The following NDE1 variants were observed in gnomAD, a reference collection of about 807,000 sequenced individuals.
NDE1 encodes the protein nuclear distribution protein nudE homolog 1.
NDE1 carries 28 observed loss-of-function variants against 43.4 expected under a neutral mutation model. The ratio of observed to expected loss-of-function variants is 0.65; its 90% confidence interval spans 0.48 to 0.89. The LOEUF (loss-of-function observed/expected upper bound fraction) is 0.89, where lower values mean the gene tolerates loss of function less well. Among genes scored for constraint, NDE1 ranks in the 40% least tolerant of loss-of-function variants. NDE1 has a pLI of 0.00. For synonymous variants in NDE1, 184 were observed against 172.0 expected (o/e 1.07, Z -0.55); for missense variants, 441 against 434.1 (o/e 1.02, Z -0.14).
chr16:15,721,787 T>C (rs573063702), intron 8 of NDE1: 5 of 740,286 alleles, frequency 6.8e-6, no homozygotes, highest in Non-Finnish European at 1.1e-5. Flanking sequence ...TATATAATCA[T>C]CTGGCGTTCT....
chr16:15,648,516 C>T (rs1044230522), upstream of NDE1, among the ~76,000 whole-genome samples: 5 of 152,130 alleles, frequency 3.3e-5, no homozygotes, highest in Non-Finnish European at 7.3e-5. Context: ...CTCCACTCAC[C>T]GCAACCTCTG....
At chr16:15,655,519 AC>A (rs1190017580) in intron 1 of NDE1, among the ~76,000 whole-genome samples, 3 of 152,156 alleles carry the variant, frequency 2.0e-5, no homozygotes, top group Non-Finnish European at 4.4e-5. Flanking sequence ...GAACACTTTT[AC>A]ACTGTTGGTG....
intron 4 of NDE1, among the ~76,000 whole-genome samples, chr16:15,679,136 T>A (rs2891091): frequency 6.6e-6 from 1 of 152,240 alleles, no homozygotes; most frequent in South Asian, 2.1e-4. Context: ...GTTTTTTCTT[T>A]TATTTATTTT....
chr16:15,678,855 T>A (rs2151073347), intron 4 of NDE1, among the ~76,000 whole-genome samples: 1 of 152,146 alleles, frequency 6.6e-6, no homozygotes, highest in South Asian at 2.1e-4. Context: ...GGTGGGCGGA[T>A]CACGAGGTCA....
intron 5 of NDE1, among the ~76,000 whole-genome samples, chr16:15,687,774 G>T (rs1268245416): frequency 6.6e-6 from 1 of 152,226 alleles, no homozygotes; most frequent in African/African-American, 2.4e-5. Flanking sequence ...CACAGATGAA[G>T]TCCTTGTATT....
rs541280738 is a variant in NDE1, at chr16:15,724,960, G to C, written c.*709G>C. On this transcript the variant is annotated 3_prime_UTR_variant, in exon 9 of 9. Transcript: ENST00000396354. ...GCTTAATGGCCTTCCCCTCGGCCTC[G>C]TTAAGCATCCCTGTGACGCTCTCAA... 2 of 1,613,966 alleles carry C rather than the reference G, an allele frequency of 1.2e-6. No homozygotes were observed. The highest frequency in any genetic ancestry group is 1.7e-6 in the Non-Finnish European group (2 of 1,180,028).
At chr16:15,679,980 T>C (rs2038090517) in intron 4 of NDE1, among the ~76,000 whole-genome samples, 1 of 152,116 alleles carries the variant, frequency 6.6e-6, no homozygotes, top group Non-Finnish European at 1.5e-5. Flanking sequence ...GATTTCACCA[T>C]GTTGGCCAAT....
At chr16:15,718,456 A>G (rs780970522) in intron 8 of NDE1, 4 of 1,545,582 alleles carry the variant, frequency 2.6e-6, no homozygotes, top group East Asian at 2.4e-5. Flanking sequence ...AAGGGCGGCC[A>G]TGGTGGGGGC....
intron 3 of NDE1, among the ~76,000 whole-genome samples, chr16:15,674,855 C>T (rs140611569): frequency 8.5e-5 from 13 of 152,110 alleles, no homozygotes; most frequent in African/African-American, 2.6e-4. Flanking sequence ...CTACAGGCGA[C>T]GCCACCATGC....
In NDE1 at chr16:15,691,188, A is replaced by AG. The variant is rs1374148615; in HGVS notation, c.570dup (p.Thr191AspfsTer10). The AG allele has an allele frequency of 3.1e-6, 5 of 1,614,162 alleles. No individual in the cohort carries two copies. The highest frequency in any genetic ancestry group is 2.5e-6 in the Non-Finnish European group (3 of 1,180,026). On this transcript the variant is annotated frameshift_variant, in exon 6 of 9. Coordinates refer to ENST00000396354, the MANE Select transcript of NDE1 (RefSeq NM_017668.3). LOFTEE classifies it high-confidence loss of function. The stretch of plus-strand genomic sequence containing the variant: ...CGTGCAGCAGAAGCAGGAGAAACCC[A>AG]GGACCCCCATGCCCAGCTCAGTGGA...
intron 3 of NDE1, among the ~76,000 whole-genome samples, chr16:15,667,836 T>G (rs1394411587): frequency 1.3e-5 from 2 of 151,930 alleles, no homozygotes; most frequent in African/African-American, 2.4e-5. Context: ...GGTTTTATGT[T>G]GGCCAGGCTG....
At position 15,696,861 on chromosome 16, in the gene NDE1, G is replaced by T. The variant is rs375986081; in HGVS notation, c.947+1G>T. ...CCAGCGTGCCTTTGGGTGATAAGGG[G>T]TCAGTACCTTCTAATAAACCTCTCG... On this transcript the variant is annotated splice_donor_variant, in intron 8 of 8. Transcript: ENST00000396354. LOFTEE classifies it high-confidence loss of function. The T allele has an allele frequency of 5.6e-6, 9 of 1,613,950 alleles. No homozygotes were observed. The highest frequency in any genetic ancestry group is 5.9e-6 in the Non-Finnish European group (7 of 1,180,010).
At chr16:15,661,793 A>C (rs374556502) in intron 1 of NDE1, among the ~76,000 whole-genome samples, 1 of 151,936 alleles carries the variant, frequency 6.6e-6, no homozygotes, top group African/African-American at 2.4e-5. Context: ...GCGGCACCCA[A>C]TTGCCTAAGG....
chr16:15,698,093 C>T (rs1249175558), intron 8 of NDE1, among the ~76,000 whole-genome samples: 2 of 152,144 alleles, frequency 1.3e-5, no homozygotes, highest in African/African-American at 4.8e-5. Context: ...TGAGCCACTG[C>T]AACCAGCCCT....
intron 8 of NDE1, chr16:15,713,773 C>G (rs947177213): frequency 3.3e-5 from 5 of 152,326 alleles, no homozygotes; most frequent in African/African-American, 7.2e-5. Flanking sequence ...GTGTGAGTCC[C>G]GTGCCCAGCC....
chr16:15,724,693 T>G lies in NDE1; in HGVS notation c.*442T>G, dbSNP rs2040660179. On this transcript the variant is annotated 3_prime_UTR_variant, in exon 9 of 9. Coordinates refer to ENST00000396354, the MANE Select transcript of NDE1 (RefSeq NM_017668.3). The stretch of plus-strand genomic sequence containing the variant: ...GTGGCGCTCCAGGTTCTGCTTGGCC[T>G]CCATCTCCTCGTCCAGCTGGTCTTG... The G allele has an allele frequency of 6.2e-7, 1 of 1,614,042 alleles. No homozygotes were observed. The highest frequency in any genetic ancestry group is 1.3e-5 in the African/African-American group (1 of 74,920).
intron 1 of NDE1, among the ~76,000 whole-genome samples, chr16:15,657,443 G>C (rs1384088068): frequency 1.3e-5 from 2 of 152,042 alleles, no homozygotes; most frequent in African/African-American, 4.8e-5. Flanking sequence ...TAGATGCCTT[G>C]GCCCTGGGCT....
intron 1 of NDE1, among the ~76,000 whole-genome samples, chr16:15,658,021 C>G (rs2036855826): frequency 6.6e-6 from 1 of 152,202 alleles, no homozygotes; most frequent in East Asian, 1.9e-4. Flanking sequence ...TTGATTATCT[C>G]ATAACCTTAA....
At chr16:15,691,644 T>TG (rs936079407) in intron 6 of NDE1, among the ~76,000 whole-genome samples, 9 of 79,886 alleles carry the variant, frequency 1.1e-4, no homozygotes, top group African/African-American at 4.8e-4. Flanking sequence ...TTTTTTTTGT[T>TG]GGGTTTTTTT....
Sources: gnomAD v4.1 joint callset for allele counts (sites outside exome capture counted in the v4.1 genomes callset) on GRCh38, gnomAD v4.1.1 for gene constraint, MANE v1.5 for transcripts, NCBI Gene and HGNC (gene_info 2026-07-23, HGNC 2026-07-21) for gene names.